DSCAM: variants seen among roughly 807,000 people sequenced by gnomAD.
DSCAM encodes the protein cell adhesion molecule DSCAM.
A neutral mutation model predicts 217.7 loss-of-function variants in DSCAM; 47 were observed. The ratio of observed to expected loss-of-function variants is 0.22; its 90% CI spans 0.17 to 0.28. The LOEUF is 0.28. Ranked by LOEUF, DSCAM falls within the 10% of genes least tolerant of loss-of-function variation. DSCAM has a pLI of 1.00. For missense variants in DSCAM, 2,080 were observed against 2,618.3 expected, an observed-to-expected ratio of 0.79 and a Z score of 4.49; for synonymous variants, 1,056 against 1,015.3, an observed-to-expected ratio of 1.04 and a Z score of -0.76.
chr21:40,704,694 C>T (rs1329453382), intron 2 of DSCAM, among the ~76,000 whole-genome samples: 1 of 151,960 alleles, frequency 6.6e-6, no homozygotes. Context: ...CCGACCTGGA[C>T]AAGAGAGGGA....
intron 3 of DSCAM, among the ~76,000 whole-genome samples, chr21:40,503,495 CAT>C (rs1027858801): frequency 2.0e-4 from 30 of 152,334 alleles, no homozygotes; most frequent in African/African-American, 6.7e-4. Flanking sequence ...AAGACTAGCA[CAT>C]GTTTCTCCCA....
At chr21:40,347,052 G>C (rs923925221) in intron 6 of DSCAM, among the ~76,000 whole-genome samples, 10 of 152,128 alleles carry the variant, frequency 6.6e-5, no homozygotes, top group African/African-American at 2.4e-4. Flanking sequence ...TGTAATCCCA[G>C]CACTTTGGGG....
rs529185955 is a variant in DSCAM, at chr21:40,016,868, C to A, written c.5687-3482G>T. 6.6e-6 allele frequency among the ~76,000 whole-genome samples: 1 copy of A among 152,188 alleles called. No homozygotes were observed. Among genetic ancestry groups the A allele is most frequent in the East Asian group, 1.9e-4 (1 of 5,166 alleles). On this transcript the variant is annotated intron_variant, in intron 32 of 32. Coordinates refer to ENST00000400454, the MANE Select transcript of DSCAM (RefSeq NM_001389.5). This position sits in a 1 kb window ranked among gnomAD's most constrained non-coding sequence, Gnocchi z 4.3. ...AAGAGAACTGGCCTGTAATCCCCGC[C>A]CACTTTGGGAGGCCTAGGCAATGGA... is the stretch of plus-strand genomic sequence containing the variant.
intron 3 of DSCAM, among the ~76,000 whole-genome samples, chr21:40,399,659 T>C (rs1182479332): frequency 1.3e-5 from 2 of 152,228 alleles, no homozygotes; most frequent in Non-Finnish European, 2.9e-5. Context: ...AGTTACTGCC[T>C]AGCAATGTGC....
chr21:40,832,632 C>T (rs1348238224), intron 1 of DSCAM, among the ~76,000 whole-genome samples: 2 of 152,108 alleles, frequency 1.3e-5, no homozygotes, highest in Admixed American at 6.5e-5. Flanking sequence ...CAGATCAAAA[C>T]ACAGGCAAAT....
At chr21:40,406,377 T>C (rs1188599784) in intron 3 of DSCAM, among the ~76,000 whole-genome samples, 1 of 152,178 alleles carries the variant, frequency 6.6e-6, no homozygotes. Flanking sequence ...TTATTCACAA[T>C]AGCCAAGATA....
intron 1 of DSCAM, among the ~76,000 whole-genome samples, chr21:40,713,755 T>C (rs1186761821): frequency 1.3e-5 from 2 of 152,176 alleles, no homozygotes; most frequent in African/African-American, 2.4e-5. Flanking sequence ...TAAATGGTCA[T>C]GTAACCAGTC....
intron 1 of DSCAM, among the ~76,000 whole-genome samples, chr21:40,818,102 CAAAAAAAAAAAAA>C (rs35894315): frequency 9.6e-5 from 5 of 52,260 alleles, no homozygotes; most frequent in Admixed American, 2.8e-4. Context: ...GACTCCGTCT[CAAAAAAAAAAAAA>C]AAAAAAAAAA....
intron 1 of DSCAM, among the ~76,000 whole-genome samples, chr21:40,805,703 CTTTCT>C (rs745927764): frequency 8.6e-5 from 10 of 116,824 alleles, no homozygotes; most frequent in Admixed American, 7.2e-4. Context: ...ACAATGTTTT[CTTTCT>C]TTTCTTTTCT....
chr21:40,498,940 G>C (rs1410512104), intron 3 of DSCAM, among the ~76,000 whole-genome samples: 1 of 150,582 alleles, frequency 6.6e-6, no homozygotes, highest in Non-Finnish European at 1.5e-5. Context: ...TGCTAAGAAG[G>C]GAGATTAATT....
rs971295689 is a variant in DSCAM, at chr21:40,424,341, T to C, written c.509-55096A>G. On this transcript the variant is annotated intron_variant, in intron 3 of 32. Coordinates refer to ENST00000400454, the MANE Select transcript of DSCAM (RefSeq NM_001389.5). The stretch of plus-strand genomic sequence containing the variant: ...ATGGGTGCCAGTTCAATATAAGTGG[T>C]GTCCTTATAGAATGGAGAAATATGG... Among the ~76,000 whole-genome samples, 4 of 152,238 alleles carry C rather than the reference T, an allele frequency of 2.6e-5. 1 individual carries two copies. Among genetic ancestry groups the C allele is most frequent in the Admixed American group, 1.3e-4 (2 of 15,300 alleles).
intron 3 of DSCAM, among the ~76,000 whole-genome samples, chr21:40,486,296 A>C (rs1402548281): frequency 6.6e-6 from 1 of 152,080 alleles, no homozygotes; most frequent in Non-Finnish European, 1.5e-5. Context: ...CTTTCAACTC[A>C]CAGCCTTTAT....
At chr21:40,428,234 T>TTGTG (rs71186936) in intron 3 of DSCAM, among the ~76,000 whole-genome samples, 2,729 of 129,250 alleles carry the variant, frequency 0.021, 38 homozygotes, top group Non-Finnish European at 0.024. Flanking sequence ...GGCAAATACT[T>TTGTG]TGTGTGTGTG....
At chr21:40,070,517 C>T (rs955241734) in intron 27 of DSCAM, among the ~76,000 whole-genome samples, 39 of 152,352 alleles carry the variant, frequency 2.6e-4, no homozygotes, top group African/African-American at 9.1e-4. Context: ...ATCTTAGCCA[C>T]ACTTGGTAAC....
intron 10 of DSCAM, among the ~76,000 whole-genome samples, chr21:40,279,366 A>G (rs1183337663): frequency 7.7e-6 from 1 of 130,236 alleles, no homozygotes; most frequent in Non-Finnish European, 1.7e-5. Flanking sequence ...CAAGAAACAT[A>G]TGAAAAAAAG....
At chr21:40,495,420 A>G (rs1389767516) in intron 3 of DSCAM, among the ~76,000 whole-genome samples, 3 of 152,146 alleles carry the variant, frequency 2.0e-5, no homozygotes, top group African/African-American at 7.2e-5. Context: ...ACATTACCAC[A>G]ATGAAGGGGA....
rs1435314511 is a variant in DSCAM at position 40,347,769 on chromosome 21, T to C, written c.1111A>G (p.Ile371Val). The C allele has an allele frequency of 7.4e-6, 12 of 1,614,096 alleles. No homozygotes were observed. In the Admixed American group the frequency reaches 1.5e-4, roughly 20 times the overall value. ...RITGINHENLIMDHMVKSDGG... is the reference protein window; with the variant it reads ...RITGINHENLVMDHMVKSDGG... ...TCACTTTTGACCATGTGATCCATTA[T>C]AAGGTTTTCGTGGTTGATCCCTGTG... The change falls in exon 6 of 33, where the codon ATA becomes GTA. Residue 371 changes from isoleucine (I) to valine (V), a missense_variant. Physicochemically the swap from Ile to Val is conservative, Grantham distance 29. Coordinates refer to ENST00000400454, the MANE Select transcript of DSCAM (RefSeq NM_001389.5).
At chr21:40,596,195 A>C (rs1483207832) in intron 3 of DSCAM, among the ~76,000 whole-genome samples, 1 of 152,234 alleles carries the variant, frequency 6.6e-6, no homozygotes, top group Non-Finnish European at 1.5e-5. Flanking sequence ...AATAATAGAC[A>C]GGTACTACCT....
chr21:40,490,295 G>C (rs2076066233), intron 3 of DSCAM, among the ~76,000 whole-genome samples: 1 of 151,962 alleles, frequency 6.6e-6, no homozygotes, highest in African/African-American at 2.4e-5. Context: ...CATATCAGTA[G>C]GTCTATGTGA....
Sources: allele counts gnomAD v4.1 joint callset (sites outside exome capture counted in the v4.1 genomes callset), GRCh38; gene constraint gnomAD v4.1.1; non-coding constraint Gnocchi (gnomAD v3.1); transcripts MANE v1.5; gene names NCBI Gene and HGNC (gene_info 2026-07-23, HGNC 2026-07-21).